Variants in GASK1A observed in about 807,000 individuals in gnomAD.
GASK1A encodes Golgi-associated kinase 1A.
Under a neutral mutation model 41.2 loss-of-function variants are expected in GASK1A, and 40 were observed. The observed-to-expected ratio is 0.97, with a 90% CI of 0.75 to 1.27. The LOEUF is 1.27. GASK1A is among the 50% of genes most tolerant of loss of function. The pLI is 0.00. For synonymous variants in GASK1A, 316 were observed against 307.1 expected (o/e 1.03, Z -0.30); for missense variants, 678 against 745.1 (o/e 0.91, Z 1.05).
chr3:43,025,632 C>T (rs2125684421), intron 1 of GASK1A, among the ~76,000 whole-genome samples: 1 of 152,306 alleles, frequency 6.6e-6, no homozygotes, highest in African/African-American at 2.4e-5. Flanking sequence ...TCACACAAAG[C>T]TGGTGAATAA....
rs1306897866 is a variant in GASK1A, at chr3:43,056,251, C to T, written c.1593C>T (p.Asp531=). 4 of 1,551,684 alleles carry T rather than the reference C, an allele frequency of 2.6e-6. No homozygotes were observed. The Admixed American group carries it at 7.8e-5, about 30-fold the overall frequency. The change falls in exon 5 of 5, where the codon GAC becomes GAT. Residue 531 remains aspartate (D), a synonymous_variant. Coordinates refer to ENST00000430121, the MANE Select transcript of GASK1A (RefSeq NM_001129908.3). ...TGCTGCTGAAGTCGCTGCAGATGGA[C>T]CCAGTGTTCTGGGAAAGCCAAGGCG... ...QNMLLKSLQM[D]PVFWESQGGA...
At chr3:43,024,312 C>T (rs1338153342) in intron 1 of GASK1A, among the ~76,000 whole-genome samples, 5 of 152,182 alleles carry the variant, frequency 3.3e-5, no homozygotes, top group Non-Finnish European at 7.4e-5. Context: ...ACTTTCTTTG[C>T]TCATTCCGTA....
chr3:43,039,461 C>T (rs574286547), intron 2 of GASK1A, among the ~76,000 whole-genome samples: 2 of 152,304 alleles, frequency 1.3e-5, no homozygotes, highest in South Asian at 4.1e-4. Context: ...CTTCGGCTTC[C>T]CAAAGTGCTG....
intron 1 of GASK1A, among the ~76,000 whole-genome samples, chr3:42,986,193 C>T (rs985526525): frequency 5.3e-5 from 8 of 152,302 alleles, no homozygotes; most frequent in African/African-American, 1.7e-4. Flanking sequence ...ATGTCAAAGG[C>T]ATTATGCTGA....
chr3:42,988,573 C>G (rs1267696262), intron 1 of GASK1A, among the ~76,000 whole-genome samples: 1 of 152,262 alleles, frequency 6.6e-6, no homozygotes, highest in African/African-American at 2.4e-5. Flanking sequence ...GGCACAGAGA[C>G]AAACGAGACC....
At chr3:43,000,146 C>A (rs2089401503) in intron 1 of GASK1A, among the ~76,000 whole-genome samples, 1 of 152,200 alleles carries the variant, frequency 6.6e-6, no homozygotes, top group Non-Finnish European at 1.5e-5. Flanking sequence ...TGTCCAGGCT[C>A]TGTCTTGAGG....
chr3:43,002,119 GCATTCAAA>G (rs1559398619), intron 1 of GASK1A, among the ~76,000 whole-genome samples: 1 of 152,128 alleles, frequency 6.6e-6, no homozygotes, highest in African/African-American at 2.4e-5. Context: ...AGGTAGGTCC[GCATTCAAA>G]CATTCGTCTT....
chr3:43,024,913 T>C (rs547671461), intron 1 of GASK1A, among the ~76,000 whole-genome samples: 4 of 152,260 alleles, frequency 2.6e-5, no homozygotes, highest in African/African-American at 9.6e-5. Flanking sequence ...GACATCCAAT[T>C]CATTGAGGAG....
chr3:42,990,711 C>T (rs1214807621), intron 1 of GASK1A, among the ~76,000 whole-genome samples: 1 of 152,100 alleles, frequency 6.6e-6, no homozygotes, highest in Non-Finnish European at 1.5e-5. Context: ...TCTGAGAGTC[C>T]CACGTGTGAT....
intron 1 of GASK1A, among the ~76,000 whole-genome samples, chr3:42,998,971 CT>C (rs34061339): frequency 0.18 from 26,257 of 147,306 alleles, 2,640 homozygotes; most frequent in Non-Finnish European, 0.23. Flanking sequence ...GGCTTTTGGA[CT>C]TTTTTTTTTT....
chr3:43,034,989 G>T (rs561481180), intron 2 of GASK1A, among the ~76,000 whole-genome samples: 2 of 152,040 alleles, frequency 1.3e-5, no homozygotes, highest in African/African-American at 4.8e-5. Flanking sequence ...ATCTCCTGTC[G>T]TCCTCCCAGC....
At chr3:42,983,087 A>G (rs1174322761) in intron 1 of GASK1A, among the ~76,000 whole-genome samples, 1 of 152,026 alleles carries the variant, frequency 6.6e-6, no homozygotes, top group Non-Finnish European at 1.5e-5. Flanking sequence ...CATAGAATTG[A>G]GGGATGTGGT....
At chr3:43,052,117 TA>T (rs533864391) in intron 2 of GASK1A, among the ~76,000 whole-genome samples, 162 of 152,272 alleles carry the variant, frequency 1.1e-3, no homozygotes, top group African/African-American at 3.8e-3. Context: ...AGAAAACGAC[TA>T]AAACCCCTAG....
intron 1 of GASK1A, among the ~76,000 whole-genome samples, chr3:43,004,277 C>T (rs2089423833): frequency 6.6e-6 from 1 of 152,166 alleles, no homozygotes; most frequent in Non-Finnish European, 1.5e-5. Context: ...ATTTCATTGG[C>T]CAAGGAGACG....
chr3:43,021,078 T>C (rs1400067850), intron 1 of GASK1A, among the ~76,000 whole-genome samples: 1 of 152,136 alleles, frequency 6.6e-6, no homozygotes, highest in East Asian at 1.9e-4. Flanking sequence ...GTGGAGGCAA[T>C]GGCAGGGAGT....
chr3:43,040,071 T>A (rs1285443384), intron 2 of GASK1A, among the ~76,000 whole-genome samples: 3 of 152,242 alleles, frequency 2.0e-5, no homozygotes, highest in Admixed American at 2.0e-4. Flanking sequence ...TACGTTCGTG[T>A]GTTATATTTT....
intron 1 of GASK1A, among the ~76,000 whole-genome samples, chr3:43,002,932 T>G (rs2089417410): frequency 6.6e-6 from 1 of 152,200 alleles, no homozygotes; most frequent in South Asian, 2.1e-4. Flanking sequence ...CTTCCTTGTT[T>G]CCAGACCTTT....
intron 1 of GASK1A, among the ~76,000 whole-genome samples, chr3:42,987,671 A>G (rs1405168337): frequency 6.6e-6 from 1 of 152,156 alleles, no homozygotes; most frequent in Non-Finnish European, 1.5e-5. Flanking sequence ...CTTTGAATTG[A>G]TTTTGTACAT....
intron 1 of GASK1A, among the ~76,000 whole-genome samples, chr3:42,980,651 CTGGCAGG>C (rs2089278279): frequency 6.6e-6 from 1 of 151,986 alleles, no homozygotes; most frequent in Non-Finnish European, 1.5e-5. Flanking sequence ...GCAGGGGGGC[CTGGCAGG>C]TGGCTGGAAC....
Sources: allele counts gnomAD v4.1 joint callset (sites outside exome capture counted in the v4.1 genomes callset), GRCh38; gene constraint gnomAD v4.1.1; transcripts MANE v1.5; gene names NCBI Gene and HGNC (gene_info 2026-07-23, HGNC 2026-07-21).